The following HECW2 variants were observed in gnomAD, a reference collection of about 807,000 sequenced individuals.
HECW2 encodes the protein HECT, C2 and WW domain containing E3 ubiquitin protein ligase 2.
HECW2 carries 61 observed loss-of-function variants against 175.2 expected under a neutral mutation model. That is an observed-to-expected ratio of 0.35 (90% CI 0.28 to 0.43). HECW2 has a LOEUF of 0.43. Ranked by LOEUF, HECW2 falls within the 20% of genes least tolerant of loss-of-function variation. The pLI is 1.00. For synonymous variants in HECW2, 671 were observed against 731.0 expected, an observed-to-expected ratio of 0.92 and a Z score of 1.32; for missense variants, 1,524 against 2,000.5, an observed-to-expected ratio of 0.76 and a Z score of 4.54.
intron 2 of HECW2, among the ~76,000 whole-genome samples, chr2:196,367,858 GTGTGTGTGTGTGTGTGTT>G (rs1303709494): frequency 1.3e-5 from 2 of 151,296 alleles, no homozygotes; most frequent in African/African-American, 4.9e-5. Context: ...ACTCCATTGT[GTGTGTGTGTGTGTGTGTT>G]TGTGTGTGTG....
chr2:196,308,947 C>A (rs1471718408), intron 10 of HECW2, among the ~76,000 whole-genome samples: 108 of 152,200 alleles, frequency 7.1e-4, no homozygotes, highest in Non-Finnish European at 1.6e-4. Flanking sequence ...GAAATCTATT[C>A]TTTAACCAGG....
chr2:196,508,833 G>A (rs1358276865), intron 1 of HECW2, among the ~76,000 whole-genome samples: 1 of 152,040 alleles, frequency 6.6e-6, no homozygotes, highest in African/African-American at 2.4e-5. Flanking sequence ...TTCATCCTAA[G>A]CTTTAAAATA....
At chr2:196,388,989 T>C (rs1316633605) in intron 2 of HECW2, among the ~76,000 whole-genome samples, 1 of 152,174 alleles carries the variant, frequency 6.6e-6, no homozygotes, top group African/African-American at 2.4e-5. Flanking sequence ...AATATAAGTC[T>C]CTACAGGATA....
At chr2:196,234,479 G>C (rs773312120) in intron 21 of HECW2, among the ~76,000 whole-genome samples, 1 of 151,846 alleles carries the variant, frequency 6.6e-6, no homozygotes, top group Admixed American at 6.6e-5. Context: ...ATTTTTTATA[G>C]AAATGGGGTC....
At chr2:196,266,409 T>A (rs376265296) in intron 17 of HECW2, among the ~76,000 whole-genome samples, 1 of 152,092 alleles carries the variant, frequency 6.6e-6, no homozygotes, top group East Asian at 1.9e-4. Context: ...AAACTGTCTG[T>A]AGGAAAATAA....
At chr2:196,313,696 G>T (rs1443535351) in intron 10 of HECW2, among the ~76,000 whole-genome samples, 2 of 152,074 alleles carry the variant, frequency 1.3e-5, no homozygotes, top group South Asian at 4.1e-4. Flanking sequence ...GTAAATCCCT[G>T]AAAATATGAT....
At chr2:196,499,530 A>G (rs1169745372) in intron 1 of HECW2, among the ~76,000 whole-genome samples, 1 of 152,168 alleles carries the variant, frequency 6.6e-6, no homozygotes, top group Admixed American at 6.5e-5. Flanking sequence ...AGAAGAGCTT[A>G]TTAGGAAATA....
intron 2 of HECW2, among the ~76,000 whole-genome samples, chr2:196,346,308 C>A (rs959874073): frequency 2.0e-5 from 3 of 152,094 alleles, no homozygotes; most frequent in African/African-American, 7.2e-5. Flanking sequence ...CAGTGAGGGT[C>A]AAAAATTAGA....
chr2:196,390,445 G>C (rs1445397573), intron 2 of HECW2, among the ~76,000 whole-genome samples: 2 of 152,138 alleles, frequency 1.3e-5, no homozygotes, highest in Admixed American at 1.3e-4. Context: ...TGACTTTGCA[G>C]CAGACACTTG....
chr2:196,592,182 T>C (rs998177024), intron 1 of HECW2, among the ~76,000 whole-genome samples: 5 of 152,076 alleles, frequency 3.3e-5, no homozygotes, highest in Admixed American at 2.0e-4. Context: ...TTTGCGTGAG[T>C]CTAGGACAGT....
chr2:196,396,573 C>T (rs775929111), intron 2 of HECW2, among the ~76,000 whole-genome samples: 63 of 152,286 alleles, frequency 4.1e-4, no homozygotes, highest in Non-Finnish European at 5.1e-4. Flanking sequence ...AAATGTTCAA[C>T]GCAAGCTATC....
chr2:196,247,194 C>T (rs775158533), intron 19 of HECW2, among the ~76,000 whole-genome samples: 3 of 151,970 alleles, frequency 2.0e-5, no homozygotes, highest in South Asian at 2.1e-4. Context: ...GAGGTTGCAG[C>T]GAGCCGACAT....
At chr2:196,412,895 C>T (rs1334524512) in intron 2 of HECW2, among the ~76,000 whole-genome samples, 1 of 152,198 alleles carries the variant, frequency 6.6e-6, no homozygotes, top group Non-Finnish European at 1.5e-5. Context: ...GGAAGGAGCC[C>T]TCTGAATTAG....
intron 2 of HECW2, among the ~76,000 whole-genome samples, chr2:196,430,976 C>G (rs964999641): frequency 1.3e-5 from 2 of 152,030 alleles, no homozygotes; most frequent in African/African-American, 4.8e-5. Flanking sequence ...AAAATCACAC[C>G]TAAGTATAGC....
intron 1 of HECW2, among the ~76,000 whole-genome samples, chr2:196,492,859 C>A (rs991954621): frequency 6.6e-6 from 1 of 152,136 alleles, no homozygotes; most frequent in South Asian, 2.1e-4. Context: ...CAAAATTCAA[C>A]AGACTCATTT....
chr2:196,376,477 A>C (rs577161548), intron 2 of HECW2, among the ~76,000 whole-genome samples: 130 of 151,914 alleles, frequency 8.6e-4, no homozygotes, highest in South Asian at 3.1e-3. Flanking sequence ...AAAAATACAA[A>C]AATTAGCTGG....
intron 1 of HECW2, among the ~76,000 whole-genome samples, chr2:196,575,082 A>C: frequency 9.1e-6 from 1 of 110,488 alleles, no homozygotes; most frequent in East Asian, 2.2e-4. Flanking sequence ...CCTTGTCTCA[A>C]AAAAAAAAAA....
chr2:196,235,730 A>G lies in HECW2; in HGVS notation c.3764+4719T>C, dbSNP rs543036155. On this transcript the variant is annotated intron_variant, in intron 21 of 28. Transcript: ENST00000644978. ...GAGTGCAGTGGCGTGATCTCGGCTC[A>G]CTGCAAGCTCCGCCTCCTGGGTTCA... 7.8e-3 allele frequency among the ~76,000 whole-genome samples: 1,036 copies of G among 132,328 alleles called. 11 individuals carry two copies. The highest frequency in any genetic ancestry group is 0.04 in the Middle Eastern group (8 of 202). 86.8% of individuals were successfully genotyped at this position (132,328 alleles called of 152,430 possible). A position where few individuals can be genotyped will look rare whatever the true frequency, so the allele number is the denominator to read the frequency against.
chr2:196,309,165 T>G (rs1185854539), intron 10 of HECW2, among the ~76,000 whole-genome samples: 1 of 152,194 alleles, frequency 6.6e-6, no homozygotes, highest in Non-Finnish European at 1.5e-5. Context: ...ACAGGGTAAG[T>G]ATCCCAACAG....
Sources: gnomAD v4.1 joint callset for allele counts (sites outside exome capture counted in the v4.1 genomes callset) on GRCh38, gnomAD v4.1.1 for gene constraint, MANE v1.5 for transcripts, NCBI Gene and HGNC (gene_info 2026-07-23, HGNC 2026-07-21) for gene names.